Variants in R3HCC1L observed in about 807,000 individuals in gnomAD.
R3HCC1L encodes R3H domain and coiled-coil containing 1 like, also known as coiled-coil domain-containing protein R3HCC1L.
R3HCC1L carries 51 observed loss-of-function variants against 59.9 expected under a neutral mutation model. The observed-to-expected ratio is 0.85, with a 90% confidence interval of 0.68 to 1.07. The LOEUF is 1.07. R3HCC1L is among the 50% of genes least tolerant of loss of function. R3HCC1L has a pLI of 0.00. For missense variants in R3HCC1L, 965 were observed against 933.0 expected (o/e 1.03, Z -0.45); for synonymous variants, 322 against 315.2 (o/e 1.02, Z -0.23).
intron 2 of R3HCC1L, among the ~76,000 whole-genome samples, chr10:98,157,454 C>T (rs7894624): frequency 0.68 from 103,274 of 152,118 alleles, 35,246 homozygotes; most frequent in African/African-American, 0.76. Context: ...CCCAAACTTT[C>T]TTTCACAGAG....
chr10:98,195,003 G>C (rs943996054), intron 4 of R3HCC1L, among the ~76,000 whole-genome samples: 1 of 152,130 alleles, frequency 6.6e-6, no homozygotes, highest in African/African-American at 2.4e-5. Flanking sequence ...ATGTTAAAGA[G>C]ACATCTGCAC....
intron 5 of R3HCC1L, among the ~76,000 whole-genome samples, chr10:98,223,715 C>T (rs1462395688): frequency 6.6e-6 from 1 of 151,860 alleles, no homozygotes; most frequent in Non-Finnish European, 1.5e-5. Context: ...TAGAACTTTG[C>T]TGGGGATGAG....
intron 4 of R3HCC1L, among the ~76,000 whole-genome samples, chr10:98,196,118 T>TACCCTTGC (rs1422079054): frequency 6.6e-6 from 1 of 152,226 alleles, no homozygotes. Context: ...CTTGCATTTC[T>TACCCTTGC]AATAAAGGTA....
At chr10:98,150,810 C>T (rs1846081664) in intron 1 of R3HCC1L, among the ~76,000 whole-genome samples, 1 of 152,182 alleles carries the variant, frequency 6.6e-6, no homozygotes, top group Admixed American at 6.5e-5. Flanking sequence ...GTAGTCCCCC[C>T]TCCCCTCTTT....
intron 1 of R3HCC1L, among the ~76,000 whole-genome samples, chr10:98,147,549 C>T (rs1193205310): frequency 1.3e-5 from 2 of 152,136 alleles, no homozygotes; most frequent in African/African-American, 4.8e-5. Context: ...TCAGGCCTTA[C>T]ATGTAAGTCT....
At chr10:98,223,315 G>A (rs1252956546) in intron 5 of R3HCC1L, among the ~76,000 whole-genome samples, 1 of 152,144 alleles carries the variant, frequency 6.6e-6, no homozygotes. Flanking sequence ...AACGAATGCA[G>A]CAGCACATCA....
chr10:98,171,455 A>G (rs2134355291), intron 4 of R3HCC1L, among the ~76,000 whole-genome samples: 1 of 152,326 alleles, frequency 6.6e-6, no homozygotes, highest in South Asian at 2.1e-4. Context: ...AGGCATAGAT[A>G]TTAAAGAAGT....
chr10:98,237,906 A>G (rs1348997594), intron 9 of R3HCC1L, among the ~76,000 whole-genome samples: 1 of 152,092 alleles, frequency 6.6e-6, no homozygotes, highest in African/African-American at 2.4e-5. Flanking sequence ...AGACTCTGGA[A>G]TCTCACTTCC....
At chr10:98,161,412 T>C (rs968440739) in intron 2 of R3HCC1L, among the ~76,000 whole-genome samples, 1 of 152,174 alleles carries the variant, frequency 6.6e-6, no homozygotes, top group Non-Finnish European at 1.5e-5. Context: ...ATATTAGGAA[T>C]ATTAGCTCTT....
chr10:98,241,403 C>T (rs537559096), intron 9 of R3HCC1L, among the ~76,000 whole-genome samples: 13 of 151,986 alleles, frequency 8.6e-5, no homozygotes, highest in African/African-American at 1.2e-4. Flanking sequence ...TTGACTGCAC[C>T]GTGATTGCAG....
chr10:98,215,833 T>A (rs1022649241), intron 5 of R3HCC1L, among the ~76,000 whole-genome samples: 1 of 152,156 alleles, frequency 6.6e-6, no homozygotes, highest in Non-Finnish European at 1.5e-5. Context: ...TATCTTAGAA[T>A]TGATGAAATG....
At chr10:98,223,794 G>A (rs752334367) in intron 5 of R3HCC1L, among the ~76,000 whole-genome samples, 6 of 152,138 alleles carry the variant, frequency 3.9e-5, no homozygotes, top group Non-Finnish European at 7.4e-5. Flanking sequence ...GCTTCAGGCA[G>A]CGTTCTGTGC....
intron 5 of R3HCC1L, 112 bp downstream of exon 5, chr10:98,210,011 A>C (rs113779645): frequency 1.3e-6 from 1 of 789,904 alleles, no homozygotes. Context: ...TTCCTGCAAT[A>C]AACTAATAGG....
At chr10:98,217,096 T>C (rs572337205) in intron 5 of R3HCC1L, among the ~76,000 whole-genome samples, 38 of 152,312 alleles carry the variant, frequency 2.5e-4, no homozygotes, top group African/African-American at 8.7e-4. Flanking sequence ...TCCAGCCTTA[T>C]TTACTAGAAT....
intron 4 of R3HCC1L, among the ~76,000 whole-genome samples, chr10:98,177,347 A>G (rs1419512629): frequency 1.3e-5 from 2 of 152,182 alleles, no homozygotes; most frequent in Non-Finnish European, 2.9e-5. Context: ...ACGTCCCTAC[A>G]AAGGACATGA....
At chr10:98,147,676 C>T (rs73340463) in intron 1 of R3HCC1L, among the ~76,000 whole-genome samples, 11,398 of 152,116 alleles carry the variant, frequency 0.075, 1,388 homozygotes, top group African/African-American at 0.26. Flanking sequence ...CTTCTTTCCC[C>T]ATTTTATGTT....
In R3HCC1L at chr10:98,234,442, G is replaced by A; in HGVS notation, c.1962-4G>A. 1 of 1,611,272 alleles carries A rather than the reference G, an allele frequency of 6.2e-7. No homozygotes were observed. Among genetic ancestry groups the A allele is most frequent in the South Asian group, 1.1e-5 (1 of 90,608 alleles). ...GGAAATAAAATTGTTTTTTTGTGTT[G>A]CAGAAAGAAAGGATTTGATATTAAA... On this transcript the variant is annotated splice_polypyrimidine_tract_variant and splice_region_variant and intron_variant, in intron 6 of 9. Transcript: ENST00000298999.
chr10:98,142,188 C>T (rs925084506), intron 1 of R3HCC1L, among the ~76,000 whole-genome samples: 5 of 152,100 alleles, frequency 3.3e-5, no homozygotes, highest in Admixed American at 6.5e-5. Flanking sequence ...AATTTCTATA[C>T]TTGGGTCTTG....
At chr10:98,138,405 C>CT (rs1036985338) in intron 1 of R3HCC1L, among the ~76,000 whole-genome samples, 49 of 152,214 alleles carry the variant, frequency 3.2e-4, no homozygotes, top group African/African-American at 1.1e-3. Flanking sequence ...ATCTTAAACA[C>CT]TTTTGGCTGG....
Sources: allele counts gnomAD v4.1 joint callset (sites outside exome capture counted in the v4.1 genomes callset), GRCh38; gene constraint gnomAD v4.1.1; transcripts MANE v1.5; gene names NCBI Gene and HGNC (gene_info 2026-07-23, HGNC 2026-07-21).